The following PHACTR3 variants were observed in gnomAD, a reference collection of about 807,000 sequenced individuals.
PHACTR3 encodes phosphatase and actin regulator 3.
PHACTR3 carries 16 observed loss-of-function variants against 66.8 expected under a neutral mutation model. The observed-to-expected ratio is 0.24, with a 90% CI of 0.16 to 0.36. The LOEUF is 0.36. PHACTR3 is among the 10% of genes least tolerant of loss of function. The pLI is 1.00. For synonymous variants in PHACTR3, 323 were observed against 292.1 expected, an observed-to-expected ratio of 1.11 and a Z score of -1.08; for missense variants, 647 against 719.9, an observed-to-expected ratio of 0.90 and a Z score of 1.16.
chr20:59,634,397 A>C (rs181402136), intron 1 of PHACTR3, among the ~76,000 whole-genome samples: 2 of 152,340 alleles, frequency 1.3e-5, no homozygotes, highest in East Asian at 3.9e-4. Flanking sequence ...TCAATGAGAA[A>C]ATGCAGGTAA....
intron 1 of PHACTR3, among the ~76,000 whole-genome samples, chr20:59,627,562 T>C (rs1404912519): frequency 6.6e-6 from 1 of 152,078 alleles, no homozygotes; most frequent in Admixed American, 6.6e-5. Context: ...TGTGGACAGG[T>C]TCTGTTTGAG....
rs199730982 is a variant in PHACTR3 at position 59,684,974 on chromosome 20, TCTCA to T, written c.119-58129_119-58126del. The stretch of plus-strand genomic sequence containing the variant: ...GGCTCAGCACGTCCCGTGGCTCAGC[TCTCA>T]CTCCTTTGCTTCTGCAGGTCCCTTG... On this transcript the variant is annotated intron_variant, in intron 1 of 12. Coordinates refer to ENST00000371015, the MANE Select transcript of PHACTR3 (RefSeq NM_080672.5). Among the ~76,000 whole-genome samples, 201 of 152,248 alleles carry T rather than the reference TCTCA, an allele frequency of 1.3e-3. 5 individuals carry two copies. In the East Asian group the frequency reaches 0.035, roughly 27 times the overall value.
At chr20:59,666,858 A>C (rs538362715) in intron 1 of PHACTR3, among the ~76,000 whole-genome samples, 17 of 152,328 alleles carry the variant, frequency 1.1e-4, no homozygotes, top group Admixed American at 8.5e-4. Context: ...TTCTGATCAA[A>C]CTGGTCTGAG....
chr20:59,665,954 A>G (rs1475711653), intron 1 of PHACTR3, among the ~76,000 whole-genome samples: 1 of 152,156 alleles, frequency 6.6e-6, no homozygotes, highest in East Asian at 1.9e-4. Context: ...GGAGATGGCT[A>G]AGGAGACTGA....
intron 1 of PHACTR3, among the ~76,000 whole-genome samples, chr20:59,581,800 G>A (rs1379994516): frequency 6.6e-6 from 1 of 151,842 alleles, no homozygotes; most frequent in Admixed American, 6.6e-5. Context: ...AGAAAGGCGT[G>A]AACCCGGTAG....
intron 1 of PHACTR3, among the ~76,000 whole-genome samples, chr20:59,682,821 A>G (rs2036714314): frequency 6.6e-6 from 1 of 152,050 alleles, no homozygotes; most frequent in African/African-American, 2.4e-5. Flanking sequence ...TGGTGGCTGG[A>G]GTCACATGAG....
chr20:59,689,895 G>A (rs934016558), intron 1 of PHACTR3, among the ~76,000 whole-genome samples: 4 of 152,062 alleles, frequency 2.6e-5, no homozygotes, highest in Non-Finnish European at 5.9e-5. Flanking sequence ...GAAGGTCCAG[G>A]CCCCCTTGTC....
intron 4 of PHACTR3, among the ~76,000 whole-genome samples, chr20:59,757,749 C>A (rs1198735292): frequency 1.3e-5 from 2 of 152,194 alleles, no homozygotes; most frequent in African/African-American, 4.8e-5. Flanking sequence ...CCTAGGAGTT[C>A]AAAGTCATCC....
chr20:59,746,780 C>T (rs367545744), intron 2 of PHACTR3, among the ~76,000 whole-genome samples: 6 of 152,196 alleles, frequency 3.9e-5, no homozygotes, highest in Non-Finnish European at 2.9e-5. Context: ...GGCAGGATCA[C>T]GGAGCAGGCC....
At chr20:59,711,700 T>C (rs979506222) in intron 1 of PHACTR3, among the ~76,000 whole-genome samples, 1 of 152,214 alleles carries the variant, frequency 6.6e-6, no homozygotes, top group Non-Finnish European at 1.5e-5. Flanking sequence ...ATATCTCATA[T>C]AATTTATCAA....
intron 1 of PHACTR3, among the ~76,000 whole-genome samples, chr20:59,666,873 C>T (rs1485728523): frequency 6.6e-6 from 1 of 152,224 alleles, no homozygotes; most frequent in Non-Finnish European, 1.5e-5. Flanking sequence ...TCTGAGTGGG[C>T]TTCTGGTCCT....
intron 8 of PHACTR3, among the ~76,000 whole-genome samples, chr20:59,813,490 A>G (rs566091489): frequency 6.1e-4 from 93 of 152,306 alleles, no homozygotes; most frequent in African/African-American, 2.0e-3. Flanking sequence ...TTACCCCCCA[A>G]TTACAGAGAT....
chr20:59,646,380 G>A (rs1461531255), intron 1 of PHACTR3, among the ~76,000 whole-genome samples: 2 of 152,178 alleles, frequency 1.3e-5, no homozygotes, highest in African/African-American at 2.4e-5. Context: ...TTTTCTTGGT[G>A]ACTTTTACAA....
At chr20:59,754,641 C>G (rs2039720252) in intron 3 of PHACTR3, among the ~76,000 whole-genome samples, 1 of 152,232 alleles carries the variant, frequency 6.6e-6, no homozygotes, top group African/African-American at 2.4e-5. Context: ...TCTCAGAGAC[C>G]TACAGCAATC....
At chr20:59,706,451 T>TG (rs1277421361) in intron 1 of PHACTR3, among the ~76,000 whole-genome samples, 2 of 152,188 alleles carry the variant, frequency 1.3e-5, no homozygotes, top group Non-Finnish European at 2.9e-5. Context: ...AAGGTGGGAA[T>TG]GGGGACACAT....
intron 8 of PHACTR3, among the ~76,000 whole-genome samples, chr20:59,815,095 G>A (rs184345864): frequency 2.0e-5 from 3 of 152,206 alleles, no homozygotes; most frequent in African/African-American, 4.8e-5. Context: ...GGGAACCCTC[G>A]ACTCGAAGAG....
At chr20:59,688,349 G>A (rs996943206) in intron 1 of PHACTR3, among the ~76,000 whole-genome samples, 3 of 152,180 alleles carry the variant, frequency 2.0e-5, no homozygotes, top group African/African-American at 7.2e-5. Flanking sequence ...GTCATTTGGG[G>A]GCCATGTAAG....
intron 8 of PHACTR3, among the ~76,000 whole-genome samples, chr20:59,831,163 T>C (rs2042361218): frequency 6.6e-6 from 1 of 152,212 alleles, no homozygotes; most frequent in Non-Finnish European, 1.5e-5. Context: ...CCTGTTTGGC[T>C]GGTGCCCCCT....
chr20:59,632,960 A>G (rs1005942974), intron 1 of PHACTR3, among the ~76,000 whole-genome samples: 1 of 152,120 alleles, frequency 6.6e-6, no homozygotes, highest in African/African-American at 2.4e-5. Flanking sequence ...GCTGAGAAAG[A>G]CTGGCCTGCA....
Sources: gnomAD v4.1 joint callset for allele counts (sites outside exome capture counted in the v4.1 genomes callset) on GRCh38, gnomAD v4.1.1 for gene constraint, MANE v1.5 for transcripts, NCBI Gene and HGNC (gene_info 2026-07-23, HGNC 2026-07-21) for gene names.